BRICD5: variants seen among roughly 807,000 people sequenced by gnomAD.
BRICD5 encodes the protein BRICHOS domain-containing protein 5.
Under a neutral mutation model 28.4 loss-of-function variants are expected in BRICD5, and 51 were observed. The observed-to-expected ratio is 1.80, with a 90% CI of 1.43 to 2.27. BRICD5 has a LOEUF of 2.27. Ranked by LOEUF, BRICD5 falls within the 30% of genes most tolerant of loss-of-function variation. The pLI, the probability that BRICD5 is intolerant of heterozygous loss-of-function variation, is 0.00. For synonymous variants in BRICD5, 177 were observed against 130.2 expected, an observed-to-expected ratio of 1.36 and a Z score of -2.44; for missense variants, 456 against 309.6, an observed-to-expected ratio of 1.47 and a Z score of -3.55.
In BRICD5 at chr16:2,210,517, C is replaced by T. The variant is rs1024110882; in HGVS notation, c.180+5G>A. ...CCATGTCCCTGGTGCTGAGGAGGGGCTCACCTTGGGAGGGCCCTGAGCAGA... is the reference window on the plus strand; with the variant it reads ...CCATGTCCCTGGTGCTGAGGAGGGGTTCACCTTGGGAGGGCCCTGAGCAGA... On this transcript the variant is annotated splice_donor_5th_base_variant and intron_variant, in intron 2 of 5. Coordinates refer to ENST00000328540, the MANE Select transcript of BRICD5 (RefSeq NM_182563.4). The T allele has an allele frequency of 5.6e-6, 9 of 1,600,658 alleles. No homozygotes were observed. The highest frequency in any genetic ancestry group is 7.7e-6 in the Non-Finnish European group (9 of 1,173,164).
rs368503908 is a variant in BRICD5, at chr16:2,210,176, T to G, written c.286A>C (p.Thr96Pro). Reference sequence around the variant, plus strand: ...CAGCTGTGGTTGCTCTGAGGTGGGGTCACTGTGATGGTCGCCGCGTTCCGG... The same window carrying G: ...CAGCTGTGGTTGCTCTGAGGTGGGGGCACTGTGATGGTCGCCGCGTTCCGG... ...VARNAATITV[T>P]PPQSNHSWAV... The change falls in exon 3 of 6, where the codon ACC becomes CCC. Residue 96 changes from threonine (T) to proline (P), a missense_variant. Physicochemically the swap from Thr to Pro is conservative, Grantham distance 38. Transcript: ENST00000328540. 1 of 1,607,332 alleles carries G rather than the reference T, an allele frequency of 6.2e-7. No homozygotes were observed.
In BRICD5 at chr16:2,210,659, G is replaced by C. The variant is rs745441108; in HGVS notation, c.52-9C>G. ...GAGGGCTTGGTCTTCACCTGGGCGT[G>C]CATCAGGGTCAGAAGGGTCATGAGG... On this transcript the variant is annotated splice_polypyrimidine_tract_variant and intron_variant, in intron 1 of 5. Transcript: ENST00000328540. 1.9e-6 allele frequency: 3 copies of C among 1,610,574 alleles called. No homozygotes were observed. Among genetic ancestry groups the C allele is most frequent in the Non-Finnish European group, 2.5e-6 (3 of 1,178,406 alleles).
rs891484105 is a variant in BRICD5, at chr16:2,210,414, G to T, written c.180+108C>A. 5 of 1,534,420 alleles carry T rather than the reference G, an allele frequency of 3.3e-6. No individual in the cohort carries two copies. The African/African-American group carries it at 6.9e-5, about 21-fold the overall frequency. On this transcript the variant is annotated intron_variant, in intron 2 of 5. Coordinates refer to ENST00000328540, the MANE Select transcript of BRICD5 (RefSeq NM_182563.4). ...TGGTCCTCTGGCTGTCTGCTCCTAGGTGGTGTCACTGCCTGCTCCGCACCC... is the reference window on the plus strand; with the variant it reads ...TGGTCCTCTGGCTGTCTGCTCCTAGTTGGTGTCACTGCCTGCTCCGCACCC...
intron 4 of BRICD5, 85 bp from the exon 5 acceptor site, chr16:2,209,791 T>C: frequency 6.9e-7 from 1 of 1,440,616 alleles, no homozygotes; most frequent in African/African-American, 1.4e-5. Context: ...CAACCCCCAG[T>C]GATGTCCCCA....
intron 4 of BRICD5, 34 bp from the exon 5 acceptor site, chr16:2,209,740 G>C (rs2093364273): frequency 6.4e-7 from 1 of 1,565,454 alleles, no homozygotes; most frequent in Non-Finnish European, 8.7e-7. Context: ...GGTGGGACAG[G>C]GCTGCTCCCT....
chr16:2,210,195 GT>G lies in BRICD5; in HGVS notation c.266del (p.Asn89ThrfsTer7), dbSNP rs761950079. On this transcript the variant is annotated frameshift_variant, in exon 3 of 6. Coordinates refer to ENST00000328540, the MANE Select transcript of BRICD5 (RefSeq NM_182563.4). LOFTEE classifies it high-confidence loss of function. Reference sequence around the variant, plus strand: ...GTGGGGTCACTGTGATGGTCGCCGCGTTCCGGGCCACGTCCACCAGGATGGT... The same window carrying G: ...GTGGGGTCACTGTGATGGTCGCCGCGTCCGGGCCACGTCCACCAGGATGGT... ...NQTILVDVAR[N>X]AATITVTPPQ... is the part of the protein sequence containing the mutation. The G allele has an allele frequency of 1.3e-6, 2 of 1,598,320 alleles. No individual in the cohort carries two copies. The highest frequency in any genetic ancestry group is 1.7e-6 in the Non-Finnish European group (2 of 1,174,294).
chr16:2,209,585 C>G lies in BRICD5; in HGVS notation c.560G>C (p.Arg187Thr), dbSNP rs761275517. The change falls in exon 5 of 6, where the codon AGG becomes ACG. Residue 187 changes from arginine (R) to threonine (T), a missense_variant. Arg to Thr is a moderately conservative substitution (Grantham distance 71). Transcript: ENST00000328540. ...AGALVQRLCMRTPIYWARRAE... is the reference protein window; with the variant it reads ...AGALVQRLCMTTPIYWARRAE... Reference sequence around the variant, plus strand: ...TCGCCGGGCCCAGTAGATGGGGGTCCTCATGCACAGGCGCTGCACCAAAGC... The same window carrying G: ...TCGCCGGGCCCAGTAGATGGGGGTCGTCATGCACAGGCGCTGCACCAAAGC... The G allele has an allele frequency of 7.4e-6, 12 of 1,612,208 alleles. No individual in the cohort carries two copies. The African/African-American group carries it at 1.3e-4, about 18-fold the overall frequency.
At position 2,210,138 on chromosome 16, in the gene BRICD5, G is replaced by C. The variant is rs554010915; in HGVS notation, c.324C>G (p.Phe108Leu). 3 of 1,609,074 alleles carry C rather than the reference G, an allele frequency of 1.9e-6. No individual in the cohort carries two copies. The highest frequency in any genetic ancestry group is 1.7e-6 in the Non-Finnish European group (2 of 1,178,682). The change falls in exon 3 of 6, where the codon TTC becomes TTG. Residue 108 changes from phenylalanine (F) to leucine (L), a missense_variant. Transcript: ENST00000328540. ...CCTGCCCACTCACGCTCTGCCCGTC[G>C]AACAGCACCGCCCAGCTGTGGTTGC... is the stretch of plus-strand genomic sequence containing the variant. ...PQSNHSWAVL[F>L]DGQSGCICYR... is the part of the protein sequence containing the mutation.
intron 1 of BRICD5, 26 bp downstream of exon 1, chr16:2,210,757 C>T: frequency 6.2e-7 from 1 of 1,608,402 alleles, no homozygotes; most frequent in Non-Finnish European, 8.5e-7. Flanking sequence ...TGGGTCCTTG[C>T]TGCAGGAGTA....
At chr16:2,209,779 T>C in intron 4 of BRICD5, 73 bp from the exon 5 acceptor site, 1 of 1,471,786 alleles carries the variant, frequency 6.8e-7, no homozygotes, top group Non-Finnish European at 9.2e-7. Flanking sequence ...CCGGGTACCC[T>C]CCAACCCCCA....
At position 2,210,591 on chromosome 16, in the gene BRICD5, C is replaced by T; in HGVS notation, c.111G>A (p.Leu37=). The change falls in exon 2 of 6, where the codon CTG becomes CTA. Residue 37 remains leucine (L), a synonymous_variant. Transcript: ENST00000328540. Reference sequence around the variant, plus strand: ...CCCCCACAGCGGCCAGCACCAGCAGCAGCAGCAGCAGGAGCAGGCTCACGG... The same window carrying T: ...CCCCCACAGCGGCCAGCACCAGCAGTAGCAGCAGCAGGAGCAGGCTCACGG... The part of the protein sequence containing the change: ...WRAVSLLLLL[L]LLVLAAVGVV... 1 of 1,612,172 alleles carries T rather than the reference C, an allele frequency of 6.2e-7. No homozygotes were observed. Among genetic ancestry groups the T allele is most frequent in the Non-Finnish European group, 8.5e-7 (1 of 1,179,584 alleles).
Position 2,209,293 on chromosome 16 carries a change from C to T in BRICD5, c.*69G>A. On this transcript the variant is annotated 3_prime_UTR_variant, in exon 6 of 6. Transcript: ENST00000328540. ...TTATTAGTCCCTGCCAGCAGCTGTC[C>T]TCCCTGGTGCAGGTGGCCTGGCCAG... is the stretch of plus-strand genomic sequence containing the variant. 2.1e-6 allele frequency: 3 copies of T among 1,398,730 alleles called. No individual in the cohort carries two copies. Among genetic ancestry groups the T allele is most frequent in the Middle Eastern group, 1.8e-4 (1 of 5,408 alleles). The allele number at this position is 1,398,730 out of a possible 1,614,324, so 86.6% of individuals were successfully genotyped here.
chr16:2,210,493 C>A, intron 2 of BRICD5, 29 bp downstream of exon 2: 1 of 1,585,036 alleles, frequency 6.3e-7, no homozygotes, highest in Non-Finnish European at 8.6e-7. Flanking sequence ...TTCCACTGTC[C>A]ATGTCCCTGG....
In BRICD5 at chr16:2,210,225, G is replaced by A. The variant is rs141748320; in HGVS notation, c.237C>T (p.Asn79=). 3 of 1,573,602 alleles carry A rather than the reference G, an allele frequency of 1.9e-6. No homozygotes were observed. Among genetic ancestry groups the A allele is most frequent in the South Asian group, 1.1e-5 (1 of 87,350 alleles). Residue 79 remains asparagine (N), a synonymous_variant, in exon 3 of 6, where the codon AAC becomes AAT. Coordinates refer to ENST00000328540, the MANE Select transcript of BRICD5 (RefSeq NM_182563.4). Reference sequence around the variant, plus strand: ...GGGCCACGTCCACCAGGATGGTTTGGTTGGGCCGGGGCATGTGGGGGCTCG... The same window carrying A: ...GGGCCACGTCCACCAGGATGGTTTGATTGGGCCGGGGCATGTGGGGGCTCG... ...TLPSPHMPRP[N]QTILVDVARN...
chr16:2,210,258 C>T lies in BRICD5; in HGVS notation c.204G>A (p.Met68Ile), dbSNP rs749645051. 2 of 1,541,020 alleles carry T rather than the reference C, an allele frequency of 1.3e-6. No homozygotes were observed. Among genetic ancestry groups the T allele is most frequent in the East Asian group, 4.8e-5 (2 of 41,638 alleles). The change falls in exon 3 of 6, where the codon ATG (methionine) becomes ATA (isoleucine). Residue 68 changes from methionine (M) to isoleucine (I), a missense_variant. Met to Ile is a conservative substitution (Grantham distance 10). Transcript: ENST00000328540. ...PPKPRLQTLRMTLPSPHMPRP... is the reference protein window; with the variant it reads ...PPKPRLQTLRITLPSPHMPRP... ...GGGGCATGTGGGGGCTCGGGAGGGTCATTCGCAGCGTCTGCAGCCTTGGCT... is the reference window on the plus strand; with the variant it reads ...GGGGCATGTGGGGGCTCGGGAGGGTTATTCGCAGCGTCTGCAGCCTTGGCT...
In BRICD5 at chr16:2,209,932, C is replaced by T; in HGVS notation, c.438+18G>A. 4 of 1,503,168 alleles carry T rather than the reference C, an allele frequency of 2.7e-6. No individual in the cohort carries two copies. The highest frequency in any genetic ancestry group is 2.7e-6 in the Non-Finnish European group (3 of 1,125,970). 93.1% of individuals were successfully genotyped at this position (1,503,168 alleles called of 1,614,324 possible). ...GTCTAGCCCCTGGCCCGGGCCTGCGCCCAGCAGGACGGCTCACCTTGGAGG... is the reference window on the plus strand; with the variant it reads ...GTCTAGCCCCTGGCCCGGGCCTGCGTCCAGCAGGACGGCTCACCTTGGAGG... On this transcript the variant is annotated intron_variant, in intron 4 of 5. Transcript: ENST00000328540.
chr16:2,209,776 C>T (rs549076228), intron 4 of BRICD5, 70 bp from the exon 5 acceptor site: 83 of 1,476,762 alleles, frequency 5.6e-5, no homozygotes, highest in Middle Eastern at 2.5e-4. Flanking sequence ...GGGCCGGGTA[C>T]CCTCCAACCC....
rs145877830 is a variant in BRICD5, at chr16:2,210,023, T to G, written c.365A>C (p.His122Pro). 7.7e-4 allele frequency: 1,214 copies of G among 1,574,624 alleles called. 12 individuals are homozygous for G. Among genetic ancestry groups the G allele is most frequent in the Middle Eastern group, 5.1e-4 (3 of 5,898 alleles). Reference protein sequence around the residue: ...SGCICYRPEEHQVCFLRLMED... With the variant: ...SGCICYRPEEPQVCFLRLMED... Reference sequence around the variant, plus strand: ...CATCAGGCGGAGGAAGCAGACCTGGTGCTCCTCAGGGCGGTAACAGATGCA... The same window carrying G: ...CATCAGGCGGAGGAAGCAGACCTGGGGCTCCTCAGGGCGGTAACAGATGCA... Residue 122 changes from histidine to proline, a missense_variant, in exon 4 of 6, where the codon CAC becomes CCC. Transcript: ENST00000328540.
chr16:2,210,070 G>T lies in BRICD5; in HGVS notation c.337-19C>A. On this transcript the variant is annotated intron_variant, in intron 3 of 5. Transcript: ENST00000328540. ...TGCAGCCCTGGGGAGGCAGGGGGGT[G>T]AGGCGGGGCCCCCCAGACCGACACC... 6.2e-7 allele frequency: 1 copy of T among 1,600,930 alleles called. No individual in the cohort carries two copies. The highest frequency in any genetic ancestry group is 2.3e-5 in the East Asian group (1 of 44,388).
Sources: gnomAD v4.1 joint callset for allele counts on GRCh38, gnomAD v4.1.1 for gene constraint, MANE v1.5 for transcripts, NCBI Gene and HGNC (gene_info 2026-07-23, HGNC 2026-07-21) for gene names.